Variants in PTPRD observed in about 807,000 individuals in gnomAD.
PTPRD encodes the protein protein tyrosine phosphatase receptor type D.
Under a neutral mutation model 214.5 loss-of-function variants are expected in PTPRD, and 34 were observed. That is an observed-to-expected ratio of 0.16 (90% CI 0.12 to 0.21). The LOEUF is 0.21. Among genes scored for constraint, PTPRD ranks in the 10% least tolerant of loss-of-function variants. PTPRD has a pLI of 1.00. For synonymous variants in PTPRD, 1,128 were observed against 845.7 expected (o/e 1.33, Z -5.79); for missense variants, 2,545 against 2,398.7 (o/e 1.06, Z -1.27).
At chr9:8,440,777 T>C (rs1590543793) in intron 34 of PTPRD, among the ~76,000 whole-genome samples, 1 of 152,282 alleles carries the variant, frequency 6.6e-6, no homozygotes, top group Middle Eastern at 3.4e-3. Flanking sequence ...AGGGTACATA[T>C]TGGTGAGACT....
At chr9:10,022,615 C>A (rs970662854) in intron 4 of PTPRD, among the ~76,000 whole-genome samples, 6 of 152,068 alleles carry the variant, frequency 3.9e-5, no homozygotes, top group African/African-American at 1.2e-4. Context: ...AAAAAACAAA[C>A]TACACAATTT....
intron 8 of PTPRD, among the ~76,000 whole-genome samples, chr9:9,418,676 A>T (rs2077708677): frequency 6.6e-6 from 1 of 152,018 alleles, no homozygotes; most frequent in South Asian, 2.1e-4. Context: ...TAATGTCTAC[A>T]TCATAAGATA....
intron 10 of PTPRD, among the ~76,000 whole-genome samples, chr9:9,078,230 T>G (rs1369471379): frequency 1.3e-5 from 2 of 152,266 alleles, no homozygotes; most frequent in African/African-American, 2.4e-5. Context: ...AATTTAGTAT[T>G]CATAAAAGTT....
At chr9:9,883,462 T>C (rs895317666) in intron 5 of PTPRD, among the ~76,000 whole-genome samples, 6 of 152,136 alleles carry the variant, frequency 3.9e-5, no homozygotes, top group Admixed American at 3.3e-4. Context: ...CAGGAAAGTA[T>C]AAATGATGTC....
At chr9:8,742,063 A>C (rs893157598) in intron 11 of PTPRD, among the ~76,000 whole-genome samples, 4 of 152,156 alleles carry the variant, frequency 2.6e-5, no homozygotes, top group Non-Finnish European at 4.4e-5. Flanking sequence ...AAAATTTCAT[A>C]TTATTCCCTA....
intron 44 of PTPRD, among the ~76,000 whole-genome samples, chr9:8,329,324 C>A (rs1481378767): frequency 6.6e-6 from 1 of 152,118 alleles, no homozygotes; most frequent in Non-Finnish European, 1.5e-5. Context: ...ACGCTGTTTG[C>A]CTGGGTATTA....
At chr9:9,711,438 A>G (rs1756121234) in intron 7 of PTPRD, among the ~76,000 whole-genome samples, 2 of 152,136 alleles carry the variant, frequency 1.3e-5, no homozygotes, top group Non-Finnish European at 2.9e-5. Context: ...TATTAGAAAA[A>G]CATATAACTC....
intron 5 of PTPRD, among the ~76,000 whole-genome samples, chr9:9,874,484 A>T (rs1009684944): frequency 6.6e-6 from 1 of 152,186 alleles, no homozygotes; most frequent in Non-Finnish European, 1.5e-5. Context: ...GTTAAATGTA[A>T]GCAGGACTTA....
intron 12 of PTPRD, among the ~76,000 whole-genome samples, chr9:8,660,837 G>A (rs1448979410): frequency 1.3e-5 from 2 of 152,018 alleles, no homozygotes; most frequent in Non-Finnish European, 2.9e-5. Context: ...TCAACTTACA[G>A]GACCTTCCAC....
At chr9:9,114,739 T>C (rs2099810638) in intron 10 of PTPRD, among the ~76,000 whole-genome samples, 1 of 152,076 alleles carries the variant, frequency 6.6e-6, no homozygotes, top group Non-Finnish European at 1.5e-5. Context: ...TTTTGCCTCC[T>C]CTTTCTATAG....
chr9:10,541,137 A>C (rs1299075991), intron 2 of PTPRD, among the ~76,000 whole-genome samples: 1 of 152,220 alleles, frequency 6.6e-6, no homozygotes, highest in African/African-American at 2.4e-5. Flanking sequence ...ACAGGACTTA[A>C]TTATACTATT....
At chr9:9,073,452 G>A (rs1382647278) in intron 10 of PTPRD, among the ~76,000 whole-genome samples, 3 of 152,146 alleles carry the variant, frequency 2.0e-5, no homozygotes, top group Non-Finnish European at 4.4e-5. Context: ...CACTTGTGTA[G>A]ATGTTACTCT....
chr9:9,849,992 T>G (rs751249007), intron 5 of PTPRD, among the ~76,000 whole-genome samples: 8 of 151,930 alleles, frequency 5.3e-5, no homozygotes, highest in Non-Finnish European at 1.2e-4. Context: ...CATAGAGAGA[T>G]GGCATTGATA....
chr9:10,168,395 C>T (rs569697566), intron 3 of PTPRD, among the ~76,000 whole-genome samples: 1 of 152,266 alleles, frequency 6.6e-6, no homozygotes, highest in African/African-American at 2.4e-5. Flanking sequence ...TAATGATCTA[C>T]ACTATTATCT....
intron 5 of PTPRD, among the ~76,000 whole-genome samples, chr9:9,821,592 C>G (rs973815261): frequency 6.6e-6 from 1 of 152,124 alleles, no homozygotes; most frequent in South Asian, 2.1e-4. Flanking sequence ...ATAGGCTATT[C>G]TCTCTTCTTG....
chr9:10,122,797 C>CT (rs1305523126), intron 3 of PTPRD, among the ~76,000 whole-genome samples: 1 of 152,194 alleles, frequency 6.6e-6, no homozygotes, highest in African/African-American at 2.4e-5. Context: ...ATATTGACAC[C>CT]TTCCACCCTG....
Position 8,499,606 on chromosome 9 carries a change from T to C in PTPRD, c.2322+41A>G, listed in dbSNP as rs185921879. 5.7e-6 allele frequency: 9 copies of C among 1,568,610 alleles called. No homozygotes were observed. The East Asian group carries it at 9.0e-5, about 16-fold the overall frequency. ...TTTCAGGATATGAACTAAGATAAAC[T>C]TATTATATAAAAACAGAGGTACATA... is the stretch of plus-strand genomic sequence containing the variant. On this transcript the variant is annotated intron_variant, in intron 25 of 45. Coordinates refer to ENST00000381196, the MANE Select transcript of PTPRD (RefSeq NM_002839.4).
chr9:9,585,004 T>C (rs940433975), intron 7 of PTPRD, among the ~76,000 whole-genome samples: 5 of 152,112 alleles, frequency 3.3e-5, no homozygotes, highest in African/African-American at 9.6e-5. Context: ...ATCATCACCC[T>C]GGAAAATTTA....
At chr9:9,535,793 A>G (rs1444427894) in intron 8 of PTPRD, among the ~76,000 whole-genome samples, 1 of 152,056 alleles carries the variant, frequency 6.6e-6, no homozygotes, top group African/African-American at 2.4e-5. Context: ...GAAAGGCTGG[A>G]CCACTTCAGT....
Sources: allele counts gnomAD v4.1 joint callset (sites outside exome capture counted in the v4.1 genomes callset), GRCh38; gene constraint gnomAD v4.1.1; transcripts MANE v1.5; gene names NCBI Gene and HGNC (gene_info 2026-07-23, HGNC 2026-07-21).